Variants in OPRM1 observed in about 807,000 individuals in gnomAD.
OPRM1 encodes the protein opioid receptor mu 1.
In OPRM1, 27 loss-of-function variants were observed where a neutral mutation model predicts 31.8. That is an observed-to-expected ratio of 0.85 (90% confidence interval 0.63 to 1.17). The LOEUF (loss-of-function observed/expected upper bound fraction) is 1.17. OPRM1 is among the 50% of genes most tolerant of loss of function. The probability of loss-of-function intolerance (pLI) is 0.00; values close to 1 mark genes in which losing one functional copy is unlikely to be tolerated. For missense variants in OPRM1, 536 were observed against 511.1 expected (o/e 1.05, Z -0.47); for synonymous variants, 196 against 189.9 (o/e 1.03, Z -0.26).
intron 3 of OPRM1, among the ~76,000 whole-genome samples, chr6:154,102,918 C>CAAAA (rs58694186): frequency 3.7e-5 from 3 of 80,786 alleles, no homozygotes; most frequent in Non-Finnish European, 5.7e-5. Flanking sequence ...TAACCAGTTG[C>CAAAA]AAAAAAAAAA....
At chr6:154,017,873 G>A (rs956204784) in intron 1 of OPRM1, among the ~76,000 whole-genome samples, 1 of 133,828 alleles carries the variant, frequency 7.5e-6, no homozygotes, top group Non-Finnish European at 1.6e-5. Flanking sequence ...TAACTGTGCT[G>A]TTTCCTTTTC....
intron 3 of OPRM1, chr6:154,212,762 G>A (rs568861279): frequency 6.3e-7 from 1 of 1,586,848 alleles, no homozygotes. Flanking sequence ...ACTTATGTCG[G>A]TACATACCAA....
intron 1 of OPRM1, chr6:154,086,423 CTTTT>C (rs200072913): frequency 3.7e-6 from 1 of 271,860 alleles, no homozygotes; most frequent in African/African-American, 2.3e-5. Context: ...TAAATATTCA[CTTTT>C]TTTTGGTAAA....
At chr6:154,152,331 GAAAGAAAGAAA>G (rs1391512882) in intron 3 of OPRM1, among the ~76,000 whole-genome samples, 1 of 50,640 alleles carries the variant, frequency 2.0e-5, no homozygotes, top group Non-Finnish European at 3.6e-5. Context: ...AAGAAAGAAA[GAAAGAAAGAAA>G]GAAAGGAAAG....
chr6:154,016,654 C>T (rs1252012912), intron 1 of OPRM1, among the ~76,000 whole-genome samples: 1 of 152,094 alleles, frequency 6.6e-6, no homozygotes, highest in East Asian at 1.9e-4. Context: ...ATTTGAAGAA[C>T]TTATGCTGAA....
At chr6:154,222,497 C>T (rs1778944231) in intron 3 of OPRM1, among the ~76,000 whole-genome samples, 1 of 152,226 alleles carries the variant, frequency 6.6e-6, no homozygotes, top group African/African-American at 2.4e-5. Context: ...AAAATGGACA[C>T]ATACGCAAAA....
chr6:154,149,782 C>G (rs1186112775), intron 3 of OPRM1, among the ~76,000 whole-genome samples: 1 of 152,156 alleles, frequency 6.6e-6, no homozygotes, highest in Non-Finnish European at 1.5e-5. Flanking sequence ...GCCATTCCAG[C>G]CTTGTGCCTA....
chr6:154,044,546 T>C (rs1780723148), intron 1 of OPRM1, among the ~76,000 whole-genome samples: 1 of 152,142 alleles, frequency 6.6e-6, no homozygotes, highest in Non-Finnish European at 1.5e-5. Context: ...TGTTAAAAAT[T>C]ATTTGTAAAA....
At chr6:154,152,021 A>G (rs921275999) in intron 3 of OPRM1, among the ~76,000 whole-genome samples, 2 of 151,828 alleles carry the variant, frequency 1.3e-5, no homozygotes. Flanking sequence ...CTAAAAATAC[A>G]GAAAAGTTAG....
At chr6:154,049,504 G>A (rs1433665385) in intron 1 of OPRM1, among the ~76,000 whole-genome samples, 11 of 151,986 alleles carry the variant, frequency 7.2e-5, no homozygotes, top group East Asian at 5.8e-4. Flanking sequence ...ATTATTTTGC[G>A]GGTAAATATT....
chr6:154,096,964 C>T (rs1793501863), intron 3 of OPRM1, among the ~76,000 whole-genome samples: 2 of 152,216 alleles, frequency 1.3e-5, no homozygotes. Context: ...CTTATTTAAA[C>T]TGTACCTTCA....
At chr6:154,239,592 A>G (rs1008419788) in intron 3 of OPRM1, among the ~76,000 whole-genome samples, 1 of 152,218 alleles carries the variant, frequency 6.6e-6, no homozygotes, top group Admixed American at 6.5e-5. Context: ...TGCCCTGTCC[A>G]GACATGTCAA....
intron 3 of OPRM1, among the ~76,000 whole-genome samples, chr6:154,154,093 G>A (rs868464333): frequency 3.3e-5 from 5 of 152,350 alleles, no homozygotes; most frequent in Admixed American, 2.0e-4. Context: ...CTTGGCTTGT[G>A]AGGTGAGACT....
intron 1 of OPRM1, among the ~76,000 whole-genome samples, chr6:154,027,670 C>A (rs1016176337): frequency 6.6e-6 from 1 of 152,204 alleles, no homozygotes; most frequent in African/African-American, 2.4e-5. Flanking sequence ...TGTACTGTGG[C>A]TGAAGTAGTA....
At chr6:154,183,861 G>A (rs896719144) in intron 3 of OPRM1, among the ~76,000 whole-genome samples, 69 of 152,174 alleles carry the variant, frequency 4.5e-4, no homozygotes, top group African/African-American at 1.6e-3. Flanking sequence ...CTGCACTCCA[G>A]CCTGGGTAAC....
intron 3 of OPRM1, among the ~76,000 whole-genome samples, chr6:154,234,904 C>CG (rs1779993869): frequency 6.6e-6 from 1 of 152,202 alleles, no homozygotes; most frequent in Non-Finnish European, 1.5e-5. Context: ...TTGTCCTCTG[C>CG]CGTGTAAAAT....
At position 154,122,315 on chromosome 6, in the gene OPRM1, G is replaced by A. The variant is rs368743740; in HGVS notation, c.*3594G>A. On this transcript the variant is annotated 3_prime_UTR_variant, in exon 4 of 4. Transcript: ENST00000330432. ...TGTAGAAACATCAAGATTCTTGCCT[G>A]GATTCTCAACATAAGTCTTTACTCA... 1.4e-4 allele frequency among the ~76,000 whole-genome samples: 22 copies of A among 152,276 alleles called. No homozygotes were observed. The South Asian group carries it at 4.4e-3, about 30-fold the overall frequency.
chr6:154,091,397 A>G lies in OPRM1; in HGVS notation c.1089A>G (p.Gln363=), dbSNP rs200695585. Residue 363 remains glutamine, a synonymous_variant, in exon 3 of 4, where the codon CAA becomes CAG. Coordinates refer to ENST00000330432, the MANE Select transcript of OPRM1 (RefSeq NM_000914.5). The stretch of plus-strand genomic sequence containing the variant: ...CAACCTCTTCCAACATTGAGCAACA[A>G]AACTCCACTCGAATTCGTCAGAACA... ...CIPTSSNIEQ[Q]NSTRIRQNTR... is the part of the protein sequence containing the mutation. The G allele has an allele frequency of 6.2e-7, 1 of 1,614,158 alleles. No individual in the cohort carries two copies. The highest frequency in any genetic ancestry group is 8.5e-7 in the Non-Finnish European group (1 of 1,180,034).
chr6:154,077,504 G>A (rs1788119645), intron 1 of OPRM1, among the ~76,000 whole-genome samples: 1 of 151,634 alleles, frequency 6.6e-6, no homozygotes. Flanking sequence ...GCTGAGGTGG[G>A]CGGATTGGTT....
Sources: allele counts gnomAD v4.1 joint callset (sites outside exome capture counted in the v4.1 genomes callset), GRCh38; gene constraint gnomAD v4.1.1; transcripts MANE v1.5; gene names NCBI Gene and HGNC (gene_info 2026-07-23, HGNC 2026-07-21).